PAK1: variants seen among roughly 807,000 people sequenced by gnomAD.
The protein encoded by PAK1 is p21 (RAC1) activated kinase 1, also known as serine/threonine-protein kinase PAK 1.
Under a neutral mutation model 67.4 loss-of-function variants are expected in PAK1, and 29 were observed. The ratio of observed to expected loss-of-function variants is 0.43; its 90% CI spans 0.32 to 0.59. The LOEUF (loss-of-function observed/expected upper bound fraction) is 0.59. Among genes scored for constraint, PAK1 ranks in the 20% least tolerant of loss-of-function variants. The pLI, the probability that PAK1 is intolerant of heterozygous loss-of-function variation, is 0.07. For synonymous variants in PAK1, 223 were observed against 237.4 expected, an observed-to-expected ratio of 0.94 and a Z score of 0.56; for missense variants, 337 against 670.7, an observed-to-expected ratio of 0.50 and a Z score of 5.50.
intron 1 of PAK1, among the ~76,000 whole-genome samples, chr11:77,430,489 G>A (rs1327949388): frequency 6.6e-6 from 1 of 152,226 alleles, no homozygotes; most frequent in African/African-American, 2.4e-5. Flanking sequence ...TGTTTAGACA[G>A]TGGGGACAAG....
intron 1 of PAK1, among the ~76,000 whole-genome samples, chr11:77,471,477 T>C (rs567437841): frequency 2.6e-5 from 4 of 152,150 alleles, no homozygotes; most frequent in Non-Finnish European, 4.4e-5. Flanking sequence ...GAGCAACTCA[T>C]TCTATGCAGG....
chr11:77,324,879 G>T (rs1028034625), intron 14 of PAK1, among the ~76,000 whole-genome samples: 3 of 152,142 alleles, frequency 2.0e-5, no homozygotes, highest in Non-Finnish European at 4.4e-5. Flanking sequence ...TTGGGACAGA[G>T]ATAGTATAAA....
chr11:77,488,812 A>G, the PAK1 span, among the ~76,000 whole-genome samples: 2 of 152,196 alleles, frequency 1.3e-5, no homozygotes, highest in African/African-American at 4.8e-5. Flanking sequence ...AAAGAGCCTC[A>G]AAAGGTCAAA....
chr11:77,517,123 T>G, the PAK1 span, among the ~76,000 whole-genome samples: 9 of 152,304 alleles, frequency 5.9e-5, no homozygotes, highest in African/African-American at 2.2e-4. Context: ...AACCCAGGGC[T>G]CAAATAATTT....
chr11:77,375,316 C>A (rs1948952429), intron 4 of PAK1, among the ~76,000 whole-genome samples: 1 of 152,194 alleles, frequency 6.6e-6, no homozygotes, highest in African/African-American at 2.4e-5. Flanking sequence ...CCTGAGTCAT[C>A]CATGCCAAAA....
At chr11:77,463,919 A>C (rs950330837) in intron 1 of PAK1, among the ~76,000 whole-genome samples, 2 of 152,238 alleles carry the variant, frequency 1.3e-5, no homozygotes, top group African/African-American at 4.8e-5. Flanking sequence ...GAAAAGCCAC[A>C]TATGTAATCT....
At chr11:77,357,176 T>C (rs932369364) in intron 6 of PAK1, among the ~76,000 whole-genome samples, 5 of 152,196 alleles carry the variant, frequency 3.3e-5, no homozygotes, top group Admixed American at 2.6e-4. Context: ...TCTGCGATGA[T>C]GCAAAGCCAT....
In PAK1 at chr11:77,435,572, C is replaced by G. The variant is rs571792300; in HGVS notation, c.-22+37980G>C. ...GCAGTGGCCTGATCTCGGCTCACTG[C>G]AAGCTCCGCCTCCCGGGTTCACGCC... On this transcript the variant is annotated intron_variant, in intron 1 of 14. Coordinates refer to ENST00000356341, the MANE Select transcript of PAK1 (RefSeq NM_002576.5). 2.0e-5 allele frequency among the ~76,000 whole-genome samples: 3 copies of G among 148,656 alleles called. No individual in the cohort carries two copies. The East Asian group carries it at 5.9e-4, about 29-fold the overall frequency.
chr11:77,355,952 C>G (rs771887038), intron 6 of PAK1, 110 bp from the exon 7 acceptor site: 18 of 674,516 alleles, frequency 2.7e-5, no homozygotes, highest in Non-Finnish European at 4.4e-5. Context: ...TAAACTCATC[C>G]TTTCTCTTAT....
At chr11:77,332,139 A>T (rs113207289) in intron 14 of PAK1, among the ~76,000 whole-genome samples, 4,668 of 150,928 alleles carry the variant, frequency 0.031, 132 homozygotes, top group African/African-American at 0.076. Flanking sequence ...CCCCGTCTCT[A>T]CAAAAAAGTT....
the PAK1 span, among the ~76,000 whole-genome samples, chr11:77,482,862 T>A: frequency 9.9e-5 from 15 of 152,082 alleles, no homozygotes; most frequent in Non-Finnish European, 1.6e-4. Context: ...GACTTCAGAC[T>A]CCCAAAGTGC....
At chr11:77,326,658 C>A (rs1404214184) in intron 14 of PAK1, among the ~76,000 whole-genome samples, 1 of 152,128 alleles carries the variant, frequency 6.6e-6, no homozygotes, top group African/African-American at 2.4e-5. Flanking sequence ...GCACTCCAGC[C>A]TGGGCAACAG....
At chr11:77,513,979 GAAT>G in the PAK1 span, among the ~76,000 whole-genome samples, 1 of 152,084 alleles carries the variant, frequency 6.6e-6, no homozygotes, top group Non-Finnish European at 1.5e-5. Flanking sequence ...TATGAAATGA[GAAT>G]TATTATCCTC....
At chr11:77,461,884 A>C (rs1210923284) in intron 1 of PAK1, among the ~76,000 whole-genome samples, 1 of 152,218 alleles carries the variant, frequency 6.6e-6, no homozygotes, top group African/African-American at 2.4e-5. Context: ...CTTCGATAAT[A>C]CTAAAAAGAG....
At chr11:77,485,169 G>A in the PAK1 span, among the ~76,000 whole-genome samples, 19 of 152,316 alleles carry the variant, frequency 1.2e-4, no homozygotes, top group South Asian at 3.7e-3. Context: ...GCCGGAAAGA[G>A]TAGCGGGGTA....
Position 77,322,206 on chromosome 11 carries a change from T to C in PAK1, c.*1068A>G, listed in dbSNP as rs1408562550. 1 of 201,222 alleles carries C rather than the reference T, an allele frequency of 5.0e-6. No individual in the cohort carries two copies. Among genetic ancestry groups the C allele is most frequent in the Non-Finnish European group, 1.0e-5 (1 of 97,330 alleles). The allele number at this position is 201,222 out of a possible 1,614,324, so 12.5% of individuals were successfully genotyped here. A position where few individuals can be genotyped will look rare whatever the true frequency, so the allele number is the denominator to read the frequency against. On this transcript the variant is annotated 3_prime_UTR_variant, in exon 15 of 15. Coordinates refer to ENST00000356341, the MANE Select transcript of PAK1 (RefSeq NM_002576.5). The stretch of plus-strand genomic sequence containing the variant: ...GGTAGCAAACATCCCCAACACCCAG[T>C]GTAAGCATTTCCATTTGCAGAGAGC...
the PAK1 span, among the ~76,000 whole-genome samples, chr11:77,489,285 ACTTGT>A: frequency 3.9e-5 from 6 of 152,238 alleles, no homozygotes; most frequent in African/African-American, 7.2e-5. Context: ...TCAACACCAG[ACTTGT>A]CTTGTAAGAA....
intron 5 of PAK1, among the ~76,000 whole-genome samples, chr11:77,363,832 T>G (rs901017369): frequency 1.1e-4 from 16 of 152,246 alleles, no homozygotes; most frequent in African/African-American, 3.9e-4. Context: ...GAGAAGTGCT[T>G]ATGACTGATA....
chr11:77,382,279 A>C (rs1949936357), intron 2 of PAK1, among the ~76,000 whole-genome samples: 1 of 152,218 alleles, frequency 6.6e-6, no homozygotes, highest in South Asian at 2.1e-4. Flanking sequence ...GAAATCATTT[A>C]ATACATGAAC....
Sources: allele counts gnomAD v4.1 joint callset (sites outside exome capture counted in the v4.1 genomes callset), GRCh38; gene constraint gnomAD v4.1.1; transcripts MANE v1.5; gene names NCBI Gene and HGNC (gene_info 2026-07-23, HGNC 2026-07-21).